Variants in VWA3B observed in about 807,000 individuals in gnomAD.
VWA3B encodes von Willebrand factor A domain-containing protein 3B.
In VWA3B, 138 loss-of-function variants were observed where a neutral mutation model predicts 158.3. That is an observed-to-expected ratio of 0.87 (90% CI 0.76 to 1.00). The LOEUF is 1.00. Among genes scored for constraint, VWA3B ranks in the 50% least tolerant of loss-of-function variants. The pLI is 0.00. For synonymous variants in VWA3B, 596 were observed against 587.3 expected (o/e 1.01, Z -0.21); for missense variants, 1,555 against 1,565.1 (o/e 0.99, Z 0.11).
chr2:98,201,088 A>C (rs1682508561), intron 12 of VWA3B, among the ~76,000 whole-genome samples: 1 of 152,048 alleles, frequency 6.6e-6, no homozygotes, highest in Admixed American at 6.6e-5. Flanking sequence ...TTTCCTTCCA[A>C]ATTTTTTTGG....
chr2:98,264,360 A>G (rs929762072), intron 21 of VWA3B, among the ~76,000 whole-genome samples: 1 of 152,098 alleles, frequency 6.6e-6, no homozygotes, highest in Non-Finnish European at 1.5e-5. Flanking sequence ...GTTTACCACT[A>G]TAAACTTCCT....
intron 20 of VWA3B, among the ~76,000 whole-genome samples, chr2:98,251,991 C>T (rs966771329): frequency 2.6e-5 from 4 of 152,188 alleles, no homozygotes; most frequent in Non-Finnish European, 5.9e-5. Context: ...CACCCTTCCC[C>T]GTGGGTCGGA....
At chr2:98,106,210 T>G (rs1673638019) in intron 2 of VWA3B, among the ~76,000 whole-genome samples, 1 of 152,178 alleles carries the variant, frequency 6.6e-6, no homozygotes, top group African/African-American at 2.4e-5. Flanking sequence ...CCACTGCGCC[T>G]GGCCCTAGGT....
At chr2:98,216,982 A>ACACC in intron 13 of VWA3B, 1 of 1,232,686 alleles carries the variant, frequency 8.1e-7, no homozygotes, top group South Asian at 1.3e-5. Context: ...CATTGTAAGC[A>ACACC]CCCGCCCCGC....
chr2:98,300,364 G>A, intron 25 of VWA3B, 148 bp downstream of exon 25: 2 of 1,191,498 alleles, frequency 1.7e-6, no homozygotes, highest in African/African-American at 1.5e-5. Flanking sequence ...TGCCCACCGT[G>A]CCACACAGAC....
intron 7 of VWA3B, among the ~76,000 whole-genome samples, chr2:98,150,265 G>A (rs761787118): frequency 2.6e-4 from 39 of 152,156 alleles, no homozygotes; most frequent in Non-Finnish European, 3.7e-4. Flanking sequence ...GATTTCTCCC[G>A]AAAGTTTTTT....
At chr2:98,235,027 A>G (rs1483560015) in intron 17 of VWA3B, among the ~76,000 whole-genome samples, 2 of 151,916 alleles carry the variant, frequency 1.3e-5, no homozygotes, top group South Asian at 2.1e-4. Flanking sequence ...CTGCCCCTCC[A>G]TGGTTTGATT....
intron 19 of VWA3B, among the ~76,000 whole-genome samples, chr2:98,247,302 A>AT (rs543115051): frequency 2.0e-4 from 31 of 151,952 alleles, no homozygotes; most frequent in African/African-American, 6.8e-4. Flanking sequence ...CCAGCCAACA[A>AT]TTTTTTTTAA....
chr2:98,254,854 C>T (rs1687013324), intron 20 of VWA3B, among the ~76,000 whole-genome samples: 1 of 152,114 alleles, frequency 6.6e-6, no homozygotes, highest in Admixed American at 6.5e-5. Flanking sequence ...GTGTTCTTAC[C>T]AGGCTCATGA....
At chr2:98,259,711 A>G (rs975757801) in intron 21 of VWA3B, among the ~76,000 whole-genome samples, 1 of 151,562 alleles carries the variant, frequency 6.6e-6, no homozygotes, top group South Asian at 2.1e-4. Flanking sequence ...GATTCTCTCA[A>G]TTGTTTTTCT....
At chr2:98,099,789 A>G (rs563473773) in intron 2 of VWA3B, among the ~76,000 whole-genome samples, 11 of 151,852 alleles carry the variant, frequency 7.2e-5, no homozygotes, top group Non-Finnish European at 1.0e-4. Context: ...TATATTTTCA[A>G]AATAACTTCT....
chr2:98,290,371 A>G (rs982239388), intron 22 of VWA3B, 140 bp from the exon 23 acceptor site: 3 of 664,302 alleles, frequency 4.5e-6, no homozygotes, highest in Non-Finnish European at 7.6e-6. Flanking sequence ...CCCCACCTCC[A>G]ACACTGGAAC....
intron 7 of VWA3B, among the ~76,000 whole-genome samples, chr2:98,148,277 G>C (rs567768454): frequency 6.6e-6 from 1 of 152,228 alleles, no homozygotes; most frequent in Admixed American, 6.5e-5. Context: ...GTATCTCATT[G>C]TTTCCATCTG....
downstream of VWA3B, among the ~76,000 whole-genome samples, chr2:98,315,692 T>C (rs545602716): frequency 1.3e-5 from 2 of 152,242 alleles, no homozygotes; most frequent in South Asian, 4.2e-4. Context: ...ACTGTCCTTA[T>C]AAAAGGTGGA....
intron 14 of VWA3B, among the ~76,000 whole-genome samples, chr2:98,221,518 G>A (rs1684510200): frequency 1.3e-5 from 2 of 152,130 alleles, no homozygotes; most frequent in Admixed American, 6.5e-5. Context: ...TCCCCCTGCC[G>A]AGTGGAATAG....
chr2:98,313,813 A>G (rs1448253024), downstream of VWA3B, among the ~76,000 whole-genome samples: 1 of 152,146 alleles, frequency 6.6e-6, no homozygotes, highest in African/African-American at 2.4e-5. Flanking sequence ...CAGGGCAAAT[A>G]TATACAATGC....
chr2:98,318,329 A>C, the VWA3B span, among the ~76,000 whole-genome samples: 1 of 152,248 alleles, frequency 6.6e-6, no homozygotes, highest in South Asian at 2.1e-4. Context: ...CCAAATGCCC[A>C]TCAATGATAG....
chr2:98,129,271 A>T (rs1208946661), intron 6 of VWA3B, among the ~76,000 whole-genome samples: 14 of 111,730 alleles, frequency 1.3e-4, no homozygotes, highest in Admixed American at 1.7e-4. Flanking sequence ...AGAGAGAGGG[A>T]GGAGAGAGAG....
intron 8 of VWA3B, 103 bp from the exon 9 acceptor site, chr2:98,180,913 T>C: frequency 7.0e-6 from 8 of 1,144,712 alleles, no homozygotes; most frequent in Non-Finnish European, 9.8e-6. Context: ...ACATGGGCTT[T>C]GTGTCTAATA....
Sources: allele counts gnomAD v4.1 joint callset (sites outside exome capture counted in the v4.1 genomes callset), GRCh38; gene constraint gnomAD v4.1.1; transcripts MANE v1.5; gene names NCBI Gene and HGNC (gene_info 2026-07-23, HGNC 2026-07-21).